The following PIP5K1A variants were observed in gnomAD, a reference collection of about 807,000 sequenced individuals.
The protein encoded by PIP5K1A is phosphatidylinositol 4-phosphate 5-kinase type-1 alpha.
In PIP5K1A, 46 loss-of-function variants were observed where a neutral mutation model predicts 72.9. That is an observed-to-expected ratio of 0.63 (90% CI 0.50 to 0.81). The LOEUF (loss-of-function observed/expected upper bound fraction) is 0.81. PIP5K1A is among the 30% of genes least tolerant of loss of function. The pLI is 0.00. For missense variants in PIP5K1A, 458 were observed against 706.1 expected (o/e 0.65, Z 3.98); for synonymous variants, 228 against 255.1 (o/e 0.89, Z 1.01).
At chr1:151,226,423 C>T (rs1367273060) in intron 3 of PIP5K1A, among the ~76,000 whole-genome samples, 2 of 152,010 alleles carry the variant, frequency 1.3e-5, no homozygotes, top group African/African-American at 4.8e-5. Flanking sequence ...TAAAAATACT[C>T]ACCTTTGGTT....
chr1:151,246,197 A>C (rs1233254800), intron 14 of PIP5K1A, among the ~76,000 whole-genome samples: 1 of 152,154 alleles, frequency 6.6e-6, no homozygotes, highest in African/African-American at 2.4e-5. Flanking sequence ...CAGTGAGCCA[A>C]GATAGTGCCA....
Position 151,248,096 on chromosome 1 carries a change from C to A in PIP5K1A, c.*231C>A. 1.9e-6 allele frequency: 1 copy of A among 527,328 alleles called. No individual in the cohort carries two copies. The highest frequency in any genetic ancestry group is 3.4e-6 in the Non-Finnish European group (1 of 296,008). The allele number at this position is 527,328 out of a possible 1,614,324, so 32.7% of individuals were successfully genotyped here. Reference sequence around the variant, plus strand: ...CAGAGAGTTGAGGACCGCAGCATCCCCTCCACTCCAGAGTTGGGTGGTATG... The same window carrying A: ...CAGAGAGTTGAGGACCGCAGCATCCACTCCACTCCAGAGTTGGGTGGTATG... On this transcript the variant is annotated 3_prime_UTR_variant, in exon 16 of 16. Coordinates refer to ENST00000368888, the MANE Select transcript of PIP5K1A (RefSeq NM_001135638.2).
intron 1 of PIP5K1A, among the ~76,000 whole-genome samples, chr1:151,214,984 C>T (rs587749669): frequency 1.2e-4 from 18 of 150,632 alleles, no homozygotes; most frequent in Middle Eastern, 3.5e-3. Flanking sequence ...TCCCAAAGTG[C>T]TGGGATTACA....
Position 151,227,403 on chromosome 1 carries a change from G to C in PIP5K1A, c.237+3G>C. On this transcript the variant is annotated splice_donor_region_variant and intron_variant, in intron 4 of 15. Transcript: ENST00000368888. ...CAGGAGAGACAACATATAAAAAGGT[G>C]TGTCTGGATGAAACCGTCTCATCTT... is the stretch of plus-strand genomic sequence containing the variant. The C allele has an allele frequency of 1.2e-6, 2 of 1,601,442 alleles. No individual in the cohort carries two copies. Among genetic ancestry groups the C allele is most frequent in the Non-Finnish European group, 1.7e-6 (2 of 1,169,012 alleles).
intron 8 of PIP5K1A, among the ~76,000 whole-genome samples, 191 bp downstream of exon 8, chr1:151,234,687 A>T (rs753178394): frequency 2.6e-5 from 4 of 152,142 alleles, no homozygotes; most frequent in Non-Finnish European, 4.4e-5. Context: ...TCCTCCCACA[A>T]TGGGATTTAT....
chr1:151,216,360 A>AAAAAAAC (rs1687616432), intron 1 of PIP5K1A, among the ~76,000 whole-genome samples: 1 of 151,914 alleles, frequency 6.6e-6, no homozygotes, highest in South Asian at 2.1e-4. Context: ...AAAAAAAAAA[A>AAAAAAAC]AAAAAACAGT....
At chr1:151,215,826 C>A in intron 1 of PIP5K1A, 1 of 377,652 alleles carries the variant, frequency 2.6e-6, no homozygotes, top group South Asian at 2.2e-5. Context: ...CCACATTTCA[C>A]AGTATGGTGC....
chr1:151,238,537 T>G, intron 10 of PIP5K1A: 1 of 416,348 alleles, frequency 2.4e-6, no homozygotes, highest in Non-Finnish European at 4.4e-6. Context: ...GGGTAGAATA[T>G]GCCATCTGTC....
chr1:151,247,963 G>T lies in PIP5K1A; in HGVS notation c.*98G>T. The T allele has an allele frequency of 9.1e-7, 1 of 1,099,752 alleles. No homozygotes were observed. Among genetic ancestry groups the T allele is most frequent in the Non-Finnish European group, 1.4e-6 (1 of 715,756 alleles). The allele number at this position is 1,099,752 out of a possible 1,614,324, so 68.1% of individuals were successfully genotyped here. A position where few individuals can be genotyped will look rare whatever the true frequency, so the allele number is the denominator to read the frequency against. On this transcript the variant is annotated 3_prime_UTR_variant, in exon 16 of 16. Transcript: ENST00000368888. ...GCAATGCTGAATTTTCTTCTACTTG[G>T]TCATCAAAAAAGGAGTGTAATAGAA... is the stretch of plus-strand genomic sequence containing the variant.
rs776533851 is a variant in PIP5K1A, at chr1:151,198,961, GA to G, written c.-35del. ...GAGAAGAGGAAGAACCGGATTGAAA[GA>G]GAGCCAGGCCGCTGAGGGGGAGGGG... On this transcript the variant is annotated 5_prime_UTR_variant, in exon 1 of 16. Coordinates refer to ENST00000368888, the MANE Select transcript of PIP5K1A (RefSeq NM_001135638.2). The G allele has an allele frequency of 6.3e-7, 1 of 1,595,626 alleles. No homozygotes were observed. The highest frequency in any genetic ancestry group is 1.1e-5 in the South Asian group (1 of 90,752).
chr1:151,217,209 G>C (rs1687771019), intron 1 of PIP5K1A, among the ~76,000 whole-genome samples: 1 of 152,114 alleles, frequency 6.6e-6, no homozygotes, highest in Non-Finnish European at 1.5e-5. Context: ...ATTGTGCCTA[G>C]CTGTAAATGT....
At chr1:151,237,775 G>A (rs887295319) in intron 9 of PIP5K1A, among the ~76,000 whole-genome samples, 14 of 152,044 alleles carry the variant, frequency 9.2e-5, no homozygotes, top group Non-Finnish European at 1.6e-4. Context: ...ATTTTTTTAA[G>A]GTATCCTGTA....
chr1:151,238,888 G>A (rs1400534779), intron 10 of PIP5K1A, among the ~76,000 whole-genome samples: 1 of 152,088 alleles, frequency 6.6e-6, no homozygotes. Flanking sequence ...ATTTGTCAGG[G>A]ACATAAATTG....
intron 1 of PIP5K1A, among the ~76,000 whole-genome samples, chr1:151,209,716 G>A (rs587693923): frequency 3.6e-4 from 55 of 152,018 alleles, no homozygotes; most frequent in Non-Finnish European, 6.8e-4. Flanking sequence ...TGGGATTACA[G>A]GTGTGAGCCA....
Position 151,212,881 on chromosome 1 carries a change from C to CT in PIP5K1A, c.86-11346dup, listed in dbSNP as rs59115186. Reference sequence around the variant, plus strand: ...AGCCACCGTGCCTGGCTGACTTTGCCTTTTTTTTTTTTTTTTTTCTTTTTT... The same window carrying CT: ...AGCCACCGTGCCTGGCTGACTTTGCCTTTTTTTTTTTTTTTTTTTCTTTTTT... On this transcript the variant is annotated intron_variant, in intron 1 of 15. Transcript: ENST00000368888. Among the ~76,000 whole-genome samples the CT allele has an allele frequency of 3.6e-3, 411 of 112,976 alleles. 1 individual carries two copies. The highest frequency in any genetic ancestry group is 5.9e-3 in the African/African-American group (175 of 29,828). 74.1% of individuals were successfully genotyped at this position (112,976 alleles called of 152,430 possible). A position where few individuals can be genotyped will look rare whatever the true frequency, so the allele number is the denominator to read the frequency against.
rs143212070 is a variant in PIP5K1A, at chr1:151,243,039, T to C, written c.1640+472T>C. Among the ~76,000 whole-genome samples, 694 of 152,336 alleles carry C rather than the reference T, an allele frequency of 4.6e-3. 7 individuals are homozygous for C. The highest frequency in any genetic ancestry group is 0.016 in the African/African-American group (659 of 41,572). ...CCTATGCAGAAACCATGGCCTCTTA[T>C]AACTTAATCTCAGAATTGACATTCT... On this transcript the variant is annotated intron_variant, in intron 14 of 15. Transcript: ENST00000368888.
intron 1 of PIP5K1A, among the ~76,000 whole-genome samples, chr1:151,209,312 C>T (rs587648878): frequency 4.6e-5 from 7 of 151,546 alleles, no homozygotes; most frequent in African/African-American, 9.7e-5. Context: ...CTTGCTCTGT[C>T]GCCCAGGCTG....
At chr1:151,224,896 G>A (rs1055032178) in intron 3 of PIP5K1A, among the ~76,000 whole-genome samples, 1 of 152,066 alleles carries the variant, frequency 6.6e-6, no homozygotes, top group Non-Finnish European at 1.5e-5. Context: ...TTTGTGAAAG[G>A]GGCCTCAGAA....
intron 3 of PIP5K1A, among the ~76,000 whole-genome samples, chr1:151,226,363 G>A (rs763717815): frequency 5.9e-5 from 9 of 151,952 alleles, no homozygotes; most frequent in Non-Finnish European, 1.3e-4. Context: ...AGTATTACAG[G>A]TGTGAGCCAC....
Sources: allele counts gnomAD v4.1 joint callset (sites outside exome capture counted in the v4.1 genomes callset), GRCh38; gene constraint gnomAD v4.1.1; transcripts MANE v1.5; gene names NCBI Gene and HGNC (gene_info 2026-07-23, HGNC 2026-07-21).